Variants in PPP1R13B observed in about 807,000 individuals in gnomAD.
The protein encoded by PPP1R13B is apoptosis-stimulating of p53 protein 1.
A neutral mutation model predicts 119.8 loss-of-function variants in PPP1R13B; 44 were observed. The observed-to-expected ratio is 0.37, with a 90% CI of 0.29 to 0.47. The LOEUF (loss-of-function observed/expected upper bound fraction) is 0.47, where lower values mean the gene tolerates loss of function less well. Among genes scored for constraint, PPP1R13B ranks in the 20% least tolerant of loss-of-function variants. The pLI is 0.99. For missense variants in PPP1R13B, 1,227 were observed against 1,413.5 expected (o/e 0.87, Z 2.12); for synonymous variants, 542 against 561.5 (o/e 0.97, Z 0.49).
At chr14:103,797,118 A>T (rs1054702533) in intron 2 of PPP1R13B, among the ~76,000 whole-genome samples, 6 of 151,550 alleles carry the variant, frequency 4.0e-5, no homozygotes, top group Admixed American at 3.9e-4. Flanking sequence ...AAAAAAGTAT[A>T]CAAAAAAGCA....
chr14:103,768,643 G>C (rs1277202050), intron 4 of PPP1R13B, among the ~76,000 whole-genome samples: 1 of 152,018 alleles, frequency 6.6e-6, no homozygotes, highest in Non-Finnish European at 1.5e-5. Flanking sequence ...ATATTGGCCA[G>C]GATAGTCTCA....
chr14:103,763,101 G>C (rs1016469380), intron 4 of PPP1R13B: 1 of 856,246 alleles, frequency 1.2e-6, no homozygotes, highest in African/African-American at 1.7e-5. Context: ...TCCTGGGGTG[G>C]CCTGCAGCAG....
rs767417610 is a variant in PPP1R13B at position 103,797,367 on chromosome 14, A to G, written c.157+4T>C. 6 of 1,613,618 alleles carry G rather than the reference A, an allele frequency of 3.7e-6. No individual in the cohort carries two copies. Among genetic ancestry groups the G allele is most frequent in the Non-Finnish European group, 4.2e-6 (5 of 1,179,816 alleles). ...TAACAATCTTTACAGGACCTAATAC[A>G]TACCATTTCCCCTCCACACTTCAGC... On this transcript the variant is annotated splice_donor_region_variant and intron_variant, in intron 2 of 16. Transcript: ENST00000202556.
intron 4 of PPP1R13B, chr14:103,764,495 CA>C (rs2084891608): frequency 2.9e-6 from 1 of 348,020 alleles, no homozygotes. Flanking sequence ...TCAGAAAATA[CA>C]ATGAAAATAA....
chr14:103,838,051 G>A (rs561425861), intron 1 of PPP1R13B, among the ~76,000 whole-genome samples: 408 of 151,778 alleles, frequency 2.7e-3, no homozygotes, highest in Non-Finnish European at 4.6e-3. Flanking sequence ...CCTAGGAGGC[G>A]AAGGTTGCAG....
intron 4 of PPP1R13B, among the ~76,000 whole-genome samples, chr14:103,771,777 G>A (rs1015591799): frequency 9.2e-5 from 14 of 152,024 alleles, no homozygotes; most frequent in East Asian, 3.9e-4. Context: ...CACTGTGCCC[G>A]GCCTAAAACT....
intron 1 of PPP1R13B, among the ~76,000 whole-genome samples, chr14:103,830,032 C>T (rs573405268): frequency 7.9e-5 from 12 of 152,206 alleles, no homozygotes; most frequent in African/African-American, 2.6e-4. Context: ...CCACCTTGGC[C>T]TCCCAAAGTG....
chr14:103,754,736 T>C (rs1374770765), intron 5 of PPP1R13B, among the ~76,000 whole-genome samples: 2 of 151,832 alleles, frequency 1.3e-5, no homozygotes, highest in Non-Finnish European at 2.9e-5. Flanking sequence ...AAGTATGAAA[T>C]AGTAAGAGCT....
At position 103,816,458 on chromosome 14, in the gene PPP1R13B, G is replaced by A. The variant is rs193176884; in HGVS notation, c.10-18940C>T. 1.7e-3 allele frequency among the ~76,000 whole-genome samples: 259 copies of A among 151,818 alleles called. 2 individuals are homozygous for A. The highest frequency in any genetic ancestry group is 5.7e-3 in the African/African-American group (235 of 41,494). ...TCCCAGCACTTTGGGAGGCCAAGGC[G>A]GGCGGATCAGCTGAGGTCGGGAGTT... On this transcript the variant is annotated intron_variant, in intron 1 of 16. Coordinates refer to ENST00000202556, the MANE Select transcript of PPP1R13B (RefSeq NM_015316.3).
chr14:103,754,627 T>C lies in PPP1R13B; in HGVS notation c.457-383A>G, dbSNP rs149840429. Among the ~76,000 whole-genome samples, 134 of 142,746 alleles carry C rather than the reference T, an allele frequency of 9.4e-4. 3 individuals carry two copies. In the East Asian group the frequency reaches 0.021, roughly 23 times the overall value. The allele number at this position is 142,746 out of a possible 152,430, so 93.6% of individuals were successfully genotyped here. A position where few individuals can be genotyped will look rare whatever the true frequency, so the allele number is the denominator to read the frequency against. On this transcript the variant is annotated intron_variant, in intron 5 of 16. Transcript: ENST00000202556. ...ACTTTTATATACTCAAAAAGAAAAA[T>C]GTGAGAGTATTCTACAGTATCACTC...
chr14:103,754,279 T>A (rs373166986), intron 5 of PPP1R13B, 35 bp from the exon 6 acceptor site: 1 of 1,591,600 alleles, frequency 6.3e-7, no homozygotes, highest in African/African-American at 1.4e-5. Context: ...CTTTGAAAAT[T>A]GAAGGCTGGG....
chr14:103,742,657 C>A lies in PPP1R13B; in HGVS notation c.1317G>T (p.Lys439Asn). Residue 439 changes from lysine to asparagine, a missense_variant, in exon 10 of 17, where the codon AAG becomes AAT. Physicochemically the swap from Lys to Asn is moderately conservative, Grantham distance 94. Transcript: ENST00000202556. This position sits in a 1 kb window ranked among gnomAD's most constrained non-coding sequence, Gnocchi z 4.9. ...VPFSALGPTE[K>N]PGIEIGKVPP... ...TGTGGTAAAGACACAGGCCTACCGG[C>A]TTCTCCGTGGGTCCCAGTGCTGAGA... 2.5e-6 allele frequency: 4 copies of A among 1,613,660 alleles called. No individual in the cohort carries two copies. Among genetic ancestry groups the A allele is most frequent in the Non-Finnish European group, 3.4e-6 (4 of 1,179,930 alleles).
chr14:103,740,324 G>A lies in PPP1R13B; in HGVS notation c.2092C>T (p.Leu698=). The A allele has an allele frequency of 6.4e-7, 1 of 1,571,066 alleles. No individual in the cohort carries two copies. The highest frequency in any genetic ancestry group is 8.6e-7 in the Non-Finnish European group (1 of 1,158,556). ...DADLEALRRK[L]ANAPRPLKKR... ...TTCAGGGGCCGGGGCGCGTTGGCCA[G>A]CTTCCTGCGGAGGGCCTCCAGGTCT... The change falls in exon 12 of 17, where the codon CTG becomes TTG. Residue 698 remains leucine, a synonymous_variant. Coordinates refer to ENST00000202556, the MANE Select transcript of PPP1R13B (RefSeq NM_015316.3). The surrounding 1 kb of genome is among the most constrained non-coding windows in gnomAD (Gnocchi z 4.6).
Position 103,764,723 on chromosome 14 carries a change from C to A in PPP1R13B, c.355-6972G>T, listed in dbSNP as rs571840226. Among the ~76,000 whole-genome samples the A allele has an allele frequency of 8.6e-5, 13 of 151,982 alleles. No homozygotes were observed. In the South Asian group the frequency reaches 2.7e-3, roughly 32 times the overall value. On this transcript the variant is annotated intron_variant, in intron 4 of 16. Coordinates refer to ENST00000202556, the MANE Select transcript of PPP1R13B (RefSeq NM_015316.3). ...CATTTGTGAAAGTTCTGTTTGGTTC[C>A]TTTTTCGGTCTGCAGTGCCATTTTA...
intron 8 of PPP1R13B, 124 bp from the exon 9 acceptor site, chr14:103,746,677 G>A (rs2084393951): frequency 1.7e-5 from 14 of 800,586 alleles, no homozygotes; most frequent in Non-Finnish European, 2.6e-5. Context: ...TAGGAAGCCT[G>A]TCATCTGGAA....
chr14:103,739,719 G>A (rs996751848), intron 12 of PPP1R13B, 105 bp downstream of exon 12: 38 of 1,337,512 alleles, frequency 2.8e-5, no homozygotes, highest in Non-Finnish European at 3.2e-5. Flanking sequence ...GGACATCCCT[G>A]GTTCCCACTG....
At chr14:103,838,077 C>G (rs990665264) in intron 1 of PPP1R13B, among the ~76,000 whole-genome samples, 1 of 152,138 alleles carries the variant, frequency 6.6e-6, no homozygotes, top group African/African-American at 2.4e-5. Flanking sequence ...CGAGATCACA[C>G]CACTGCACTC....
intron 4 of PPP1R13B, among the ~76,000 whole-genome samples, chr14:103,768,421 C>T (rs1323947067): frequency 6.6e-6 from 1 of 152,208 alleles, no homozygotes; most frequent in South Asian, 2.1e-4. Flanking sequence ...CTCAGCCTCT[C>T]GAGTAGCTGG....
intron 1 of PPP1R13B, among the ~76,000 whole-genome samples, chr14:103,827,854 T>C (rs1368835284): frequency 1.3e-5 from 2 of 152,062 alleles, no homozygotes; most frequent in African/African-American, 4.8e-5. Context: ...ACTATTGCTA[T>C]TATAAAAACA....
Sources: gnomAD v4.1 joint callset for allele counts (sites outside exome capture counted in the v4.1 genomes callset) on GRCh38, gnomAD v4.1.1 for gene constraint, Gnocchi (gnomAD v3.1) non-coding constraint, MANE v1.5 for transcripts, NCBI Gene and HGNC (gene_info 2026-07-23, HGNC 2026-07-21) for gene names.